ARSK: variants seen among roughly 807,000 people sequenced by gnomAD.
The protein encoded by ARSK is arylsulfatase K.
ARSK carries 37 observed loss-of-function variants against 53.2 expected under a neutral mutation model. That is an observed-to-expected ratio of 0.70 (90% confidence interval 0.54 to 0.92). The LOEUF (loss-of-function observed/expected upper bound fraction) is 0.92. Ranked by LOEUF, ARSK falls within the 40% of genes least tolerant of loss-of-function variation. The probability of loss-of-function intolerance (pLI) is 0.00; values close to 1 mark genes in which losing one functional copy is unlikely to be tolerated. For missense variants in ARSK, 613 were observed against 643.0 expected, an observed-to-expected ratio of 0.95 and a Z score of 0.51; for synonymous variants, 208 against 223.2, an observed-to-expected ratio of 0.93 and a Z score of 0.61.
rs1748463300 is a variant in ARSK at position 95,555,208 on chromosome 5, GCTC to G, written c.-70_-68del. ...GGGAGTTGTTCGCTGTCCCTGCCCT[GCTC>G]TGCTAGGGAGAGAACGCCAGAGGGA... On this transcript the variant is annotated 5_prime_UTR_variant, in exon 1 of 8. Coordinates refer to ENST00000380009, the MANE Select transcript of ARSK (RefSeq NM_198150.3). The surrounding 1 kb of genome is among the most constrained non-coding windows in gnomAD (Gnocchi z 4.0). 39 of 1,468,346 alleles carry G rather than the reference GCTC, an allele frequency of 2.7e-5. No homozygotes were observed. Among genetic ancestry groups the G allele is most frequent in the Non-Finnish European group, 3.3e-5 (36 of 1,089,940 alleles). The allele number at this position is 1,468,346 out of a possible 1,614,324, so 91.0% of individuals were successfully genotyped here. A position where few individuals can be genotyped will look rare whatever the true frequency, so the allele number is the denominator to read the frequency against.
In ARSK at chr5:95,603,406, G is replaced by T. The variant is rs751437998; in HGVS notation, c.1491G>T (p.Gln497His). 6.2e-7 allele frequency: 1 copy of T among 1,613,686 alleles called. No homozygotes were observed. Among genetic ancestry groups the T allele is most frequent in the Non-Finnish European group, 8.5e-7 (1 of 1,179,798 alleles). ...TCAAGTGGAAACAAAGTATAGGACAGAATTATTCAAACGTTATAGCAAATC... is the reference window on the plus strand; with the variant it reads ...TCAAGTGGAAACAAAGTATAGGACATAATTATTCAAACGTTATAGCAAATC... ...QFIKWKQSIG[Q>H]NYSNVIANLR... The change falls in exon 8 of 8, where the codon CAG becomes CAT. Residue 497 changes from glutamine to histidine, a missense_variant. Gln to His is a conservative substitution (Grantham distance 24). Coordinates refer to ENST00000380009, the MANE Select transcript of ARSK (RefSeq NM_198150.3).
rs897965726 is a variant in ARSK at position 95,578,223 on chromosome 5, C to G, written c.417-4693C>G. 5.3e-5 allele frequency among the ~76,000 whole-genome samples: 8 copies of G among 152,188 alleles called. No homozygotes were observed. The East Asian group carries it at 1.5e-3, about 29-fold the overall frequency. On this transcript the variant is annotated intron_variant, in intron 3 of 7. Coordinates refer to ENST00000380009, the MANE Select transcript of ARSK (RefSeq NM_198150.3). The stretch of plus-strand genomic sequence containing the variant: ...CTGGAGTAAAGTGGCAGGATCATAG[C>G]TCACTGAAGCCTCAAACTCCTGACC...
At chr5:95,573,884 ACT>A (rs1275603387) in intron 3 of ARSK, among the ~76,000 whole-genome samples, 1 of 152,000 alleles carries the variant, frequency 6.6e-6, no homozygotes, top group African/African-American at 2.4e-5. Context: ...ATCCAATTAT[ACT>A]CTTAGTCATT....
rs574933126 is a variant in ARSK, at chr5:95,569,511, A to C, written c.416+1462A>C. On this transcript the variant is annotated intron_variant, in intron 3 of 7. Coordinates refer to ENST00000380009, the MANE Select transcript of ARSK (RefSeq NM_198150.3). ...ACAAGGACATAGGCACACAGAGAAGAAAACAATGTTAAGACAGAGGCAGAG... is the reference window on the plus strand; with the variant it reads ...ACAAGGACATAGGCACACAGAGAAGCAAACAATGTTAAGACAGAGGCAGAG... Among the ~76,000 whole-genome samples, 17 of 152,340 alleles carry C rather than the reference A, an allele frequency of 1.1e-4. 1 individual carries two copies. The highest frequency in any genetic ancestry group is 3.4e-4 in the African/African-American group (14 of 41,578).
intron 1 of ARSK, among the ~76,000 whole-genome samples, chr5:95,562,371 G>C (rs1003765460): frequency 6.6e-6 from 1 of 152,198 alleles, no homozygotes; most frequent in African/African-American, 2.4e-5. Context: ...TGAGGTTTCA[G>C]GAGTGGCAGG....
chr5:95,563,265 C>G (rs981344631), intron 1 of ARSK, among the ~76,000 whole-genome samples: 2 of 152,046 alleles, frequency 1.3e-5, no homozygotes, highest in Admixed American at 6.6e-5. Context: ...TCCTAGGAAC[C>G]AAATTTTGCA....
intron 6 of ARSK, among the ~76,000 whole-genome samples, chr5:95,598,636 A>G (rs1749350099): frequency 6.6e-6 from 1 of 152,108 alleles, no homozygotes; most frequent in South Asian, 2.1e-4. Context: ...AGACTGTCAC[A>G]CCTCTGCTCA....
At position 95,604,354 on chromosome 5, in the gene ARSK, G is replaced by C. The variant is rs749235898; in HGVS notation, c.*828G>C. ...TGGTACAAAAGGGTTAACAGTGATC[G>C]TGAAGTCTCTGTCCTTTCCCTCTTC... is the stretch of plus-strand genomic sequence containing the variant. On this transcript the variant is annotated 3_prime_UTR_variant, in exon 8 of 8. Transcript: ENST00000380009. The C allele has an allele frequency of 6.6e-6, 1 of 152,132 alleles. No individual in the cohort carries two copies. Among genetic ancestry groups the C allele is most frequent in the African/African-American group, 2.4e-5 (1 of 41,438 alleles). 9.4% of individuals were successfully genotyped at this position (152,132 alleles called of 1,614,324 possible).
Position 95,600,962 on chromosome 5 carries a change from GA to G in ARSK, c.1213del (p.Ser405ValfsTer8). On this transcript the variant is annotated frameshift_variant, in exon 7 of 8. Coordinates refer to ENST00000380009, the MANE Select transcript of ARSK (RefSeq NM_198150.3). LOFTEE classifies it high-confidence loss of function. ...VKNLHPPWIL[S>X]EFHGCNVNAS... ...AAAACCTGCATCCACCCTGGATTCT[GA>G]GTGAATTCCATGGATGTAATGTGAA... 6.2e-7 allele frequency: 1 copy of G among 1,614,106 alleles called. No homozygotes were observed.
At chr5:95,573,340 A>G (rs1748867584) in intron 3 of ARSK, among the ~76,000 whole-genome samples, 1 of 152,224 alleles carries the variant, frequency 6.6e-6, no homozygotes, top group African/African-American at 2.4e-5. Flanking sequence ...TTCTAACATC[A>G]GTATAATAAA....
intron 6 of ARSK, among the ~76,000 whole-genome samples, chr5:95,600,114 G>A (rs1749378133): frequency 6.6e-6 from 1 of 152,086 alleles, no homozygotes; most frequent in Non-Finnish European, 1.5e-5. Flanking sequence ...CATTTCTCAT[G>A]CTGTTGTTCT....
intron 3 of ARSK, among the ~76,000 whole-genome samples, chr5:95,578,086 A>G (rs1748955975): frequency 6.6e-6 from 1 of 152,178 alleles, no homozygotes; most frequent in Non-Finnish European, 1.5e-5. Context: ...GATCATATGT[A>G]AAGAAGATGG....
In ARSK at chr5:95,595,664, C is replaced by A. The variant is rs557528986; in HGVS notation, c.1096+4039C>A. Among the ~76,000 whole-genome samples the A allele has an allele frequency of 7.6e-5, 11 of 145,224 alleles. No individual in the cohort carries two copies. In the South Asian group the frequency reaches 2.6e-3, roughly 35 times the overall value. On this transcript the variant is annotated intron_variant, in intron 6 of 7. Transcript: ENST00000380009. The stretch of plus-strand genomic sequence containing the variant: ...TGCCAACAAGAAACACTGGGGACTA[C>A]TAGAAGGGAGAGGGAGGGAGGGAGG...
intron 6 of ARSK, 117 bp from the exon 7 acceptor site, chr5:95,600,730 T>C: frequency 9.7e-7 from 1 of 1,030,084 alleles, no homozygotes; most frequent in Non-Finnish European, 1.5e-6. Flanking sequence ...CCATATACAA[T>C]CTCCAGTCTC....
intron 5 of ARSK, among the ~76,000 whole-genome samples, chr5:95,591,046 T>C (rs1244972085): frequency 6.6e-6 from 1 of 152,188 alleles, no homozygotes; most frequent in African/African-American, 2.4e-5. Flanking sequence ...CTGAGACATG[T>C]AAAGTGCTCA....
Position 95,582,994 on chromosome 5 carries a change from T to C in ARSK, c.495T>C (p.Arg165=), listed in dbSNP as rs781450474. ...QEGRPMVNLI[R]NRTKVRVMER... Reference sequence around the variant, plus strand: ...GCAGGCCCATGGTTAATCTTATCCGTAACAGGACTAAAGTCAGAGTGATGG... The same window carrying C: ...GCAGGCCCATGGTTAATCTTATCCGCAACAGGACTAAAGTCAGAGTGATGG... The change falls in exon 4 of 8, where the codon CGT becomes CGC. Residue 165 remains arginine (R), a synonymous_variant. Coordinates refer to ENST00000380009, the MANE Select transcript of ARSK (RefSeq NM_198150.3). 1 of 1,613,868 alleles carries C rather than the reference T, an allele frequency of 6.2e-7. No individual in the cohort carries two copies. The highest frequency in any genetic ancestry group is 8.5e-7 in the Non-Finnish European group (1 of 1,179,808).
At chr5:95,557,939 A>C (rs982656374) in intron 1 of ARSK, among the ~76,000 whole-genome samples, 4 of 152,230 alleles carry the variant, frequency 2.6e-5, no homozygotes, top group Admixed American at 2.6e-4. Flanking sequence ...CATTTATTCA[A>C]GAAAATCTAT....
At chr5:95,572,476 T>C (rs1748849116) in intron 3 of ARSK, among the ~76,000 whole-genome samples, 1 of 152,190 alleles carries the variant, frequency 6.6e-6, no homozygotes, top group Non-Finnish European at 1.5e-5. Flanking sequence ...TGTCTTCTTA[T>C]CAATTGAAAG....
chr5:95,572,113 A>G (rs1469081504), intron 3 of ARSK, among the ~76,000 whole-genome samples: 1 of 152,148 alleles, frequency 6.6e-6, no homozygotes, highest in Non-Finnish European at 1.5e-5. Context: ...TTCTTGTACC[A>G]GTTTAGGAAC....
Sources: allele counts gnomAD v4.1 joint callset (sites outside exome capture counted in the v4.1 genomes callset), GRCh38; gene constraint gnomAD v4.1.1; non-coding constraint Gnocchi (gnomAD v3.1); transcripts MANE v1.5; gene names NCBI Gene and HGNC (gene_info 2026-07-23, HGNC 2026-07-21).